The following BMERB1 variants were observed in gnomAD, a reference collection of about 807,000 sequenced individuals.
The protein encoded by BMERB1 is bMERB domain-containing protein 1.
In BMERB1, 12 loss-of-function variants were observed where a neutral mutation model predicts 23.6. That is an observed-to-expected ratio of 0.51 (90% confidence interval 0.33 to 0.82). BMERB1 has a LOEUF of 0.82. Among genes scored for constraint, BMERB1 ranks in the 40% least tolerant of loss-of-function variants. BMERB1 has a pLI of 0.03. For missense variants in BMERB1, 247 were observed against 255.4 expected (o/e 0.97, Z 0.22); for synonymous variants, 122 against 96.6 (o/e 1.26, Z -1.54).
intron 1 of BMERB1, among the ~76,000 whole-genome samples, chr16:15,501,388 GTTCAAGCGATTCTCCTGCC>G (rs2051528632): frequency 6.8e-6 from 1 of 147,078 alleles, no homozygotes; most frequent in Non-Finnish European, 1.5e-5. Flanking sequence ...CGCCTCCCAG[GTTCAAGCGATTCTCCTGCC>G]TCAACCTTCT....
intron 1 of BMERB1, among the ~76,000 whole-genome samples, chr16:15,463,331 C>G (rs1240869725): frequency 6.6e-6 from 1 of 151,992 alleles, no homozygotes; most frequent in Non-Finnish European, 1.5e-5. Context: ...TGGTCCCAGG[C>G]AATCCTCCTG....
At chr16:15,544,150 T>A (rs953550315) in intron 2 of BMERB1, among the ~76,000 whole-genome samples, 11 of 152,246 alleles carry the variant, frequency 7.2e-5, no homozygotes, top group Admixed American at 6.5e-4. Context: ...GTTAACCAGA[T>A]TTCTCTCGAA....
chr16:15,505,516 A>G (rs1021624746), intron 1 of BMERB1, among the ~76,000 whole-genome samples: 4 of 152,104 alleles, frequency 2.6e-5, no homozygotes, highest in African/African-American at 4.8e-5. Context: ...TTTCATGGCT[A>G]TTTTCTAATT....
intron 2 of BMERB1, among the ~76,000 whole-genome samples, chr16:15,523,871 T>C (rs1331874273): frequency 2.0e-5 from 3 of 152,208 alleles, no homozygotes; most frequent in African/African-American, 7.2e-5. Flanking sequence ...CCAGAAAATA[T>C]TCCTCTCCCC....
intron 1 of BMERB1, chr16:15,502,441 GC>G: frequency 7.4e-7 from 1 of 1,343,698 alleles, no homozygotes; most frequent in Non-Finnish European, 1.0e-6. Flanking sequence ...AAATCGAGCA[GC>G]CAGGAGCTTC....
intron 2 of BMERB1, among the ~76,000 whole-genome samples, chr16:15,556,205 G>C (rs1019679433): frequency 6.6e-6 from 1 of 152,066 alleles, no homozygotes; most frequent in African/African-American, 2.4e-5. Flanking sequence ...GCATGTGATA[G>C]TGAGATACAC....
intron 1 of BMERB1, among the ~76,000 whole-genome samples, chr16:15,484,246 G>A (rs372493025): frequency 1.3e-5 from 2 of 152,172 alleles, no homozygotes; most frequent in African/African-American, 4.8e-5. Context: ...GGAGGGAACA[G>A]ATGTTCAGAC....
intron 2 of BMERB1, among the ~76,000 whole-genome samples, chr16:15,561,499 C>G (rs922869855): frequency 4.6e-5 from 7 of 151,812 alleles, no homozygotes; most frequent in Non-Finnish European, 7.4e-5. Context: ...GAACTCCTGA[C>G]TTCAAGTGAT....
chr16:15,475,465 G>A (rs982326357), intron 1 of BMERB1, among the ~76,000 whole-genome samples: 2 of 152,200 alleles, frequency 1.3e-5, no homozygotes, highest in Admixed American at 1.3e-4. Context: ...GTTTATTACA[G>A]GGAAAGAGTT....
At chr16:15,532,347 T>G (rs2150959759) in intron 2 of BMERB1, among the ~76,000 whole-genome samples, 1 of 151,868 alleles carries the variant, frequency 6.6e-6, no homozygotes, top group East Asian at 1.9e-4. Flanking sequence ...TTCTCCTGCC[T>G]CAGCCTCCCT....
At chr16:15,456,538 A>AT (rs1225429455) in intron 1 of BMERB1, among the ~76,000 whole-genome samples, 6 of 152,024 alleles carry the variant, frequency 3.9e-5, no homozygotes, top group Non-Finnish European at 5.9e-5. Flanking sequence ...GGGTTTTGCC[A>AT]TGTTATCCAG....
intron 1 of BMERB1, among the ~76,000 whole-genome samples, chr16:15,473,981 G>C (rs148027931): frequency 6.6e-6 from 1 of 151,974 alleles, no homozygotes; most frequent in Non-Finnish European, 1.5e-5. Context: ...TTAGCCGGGC[G>C]TGGTGGCAGG....
intron 2 of BMERB1, among the ~76,000 whole-genome samples, chr16:15,560,909 G>A (rs1011288996): frequency 2.0e-5 from 3 of 150,652 alleles, no homozygotes; most frequent in Non-Finnish European, 3.0e-5. Flanking sequence ...CTCAGAAATA[G>A]TGCTTCTTCC....
intron 1 of BMERB1, among the ~76,000 whole-genome samples, chr16:15,500,984 C>T (rs1403933956): frequency 6.6e-6 from 1 of 152,072 alleles, no homozygotes; most frequent in African/African-American, 2.4e-5. Flanking sequence ...GTAAAATATA[C>T]ATACTGGACT....
chr16:15,463,896 A>C (rs1447962877), intron 1 of BMERB1, among the ~76,000 whole-genome samples: 5 of 151,656 alleles, frequency 3.3e-5, no homozygotes, highest in Non-Finnish European at 4.4e-5. Flanking sequence ...AAAAAACTTG[A>C]AGCATAAAAC....
chr16:15,566,449 C>A (rs1282975753), intron 2 of BMERB1, among the ~76,000 whole-genome samples: 1 of 152,124 alleles, frequency 6.6e-6, no homozygotes, highest in Non-Finnish European at 1.5e-5. Context: ...AGGAAACAAC[C>A]CAGATGTCTA....
At chr16:15,522,062 G>A (rs1308715855) in intron 2 of BMERB1, among the ~76,000 whole-genome samples, 1 of 152,160 alleles carries the variant, frequency 6.6e-6, no homozygotes, top group Non-Finnish European at 1.5e-5. Flanking sequence ...ACCCGCTCCT[G>A]CTGTTTATCT....
At chr16:15,539,726 C>A (rs909015752) in intron 2 of BMERB1, among the ~76,000 whole-genome samples, 1 of 151,726 alleles carries the variant, frequency 6.6e-6, no homozygotes, top group South Asian at 2.1e-4. Flanking sequence ...ACCTGTAGTC[C>A]CAGCTACTTG....
At chr16:15,438,682 A>G (rs1391125833) in intron 1 of BMERB1, among the ~76,000 whole-genome samples, 1 of 151,798 alleles carries the variant, frequency 6.6e-6, no homozygotes, top group Non-Finnish European at 1.5e-5. Flanking sequence ...CTGGTCTCGA[A>G]CTCCTGGCCT....
Sources: gnomAD v4.1 joint callset for allele counts (sites outside exome capture counted in the v4.1 genomes callset) on GRCh38, gnomAD v4.1.1 for gene constraint, MANE v1.5 for transcripts, NCBI Gene and HGNC (gene_info 2026-07-23, HGNC 2026-07-21) for gene names.